The following NCAM2 variants were observed in gnomAD, a reference collection of about 807,000 sequenced individuals.
The protein encoded by NCAM2 is N-CAM-2.
Under a neutral mutation model 98.1 loss-of-function variants are expected in NCAM2, and 30 were observed. The observed-to-expected ratio is 0.31, with a 90% CI of 0.23 to 0.41. The LOEUF is 0.41. Ranked by LOEUF, NCAM2 falls within the 10% of genes least tolerant of loss-of-function variation. NCAM2 has a pLI of 1.00. For synonymous variants in NCAM2, 368 were observed against 342.4 expected (o/e 1.07, Z -0.83); for missense variants, 867 against 1,005.8 (o/e 0.86, Z 1.87).
intron 1 of NCAM2, among the ~76,000 whole-genome samples, chr21:21,049,398 T>A (rs1805702720): frequency 6.6e-6 from 1 of 152,148 alleles, no homozygotes; most frequent in Admixed American, 6.5e-5. Context: ...ACCACTACAT[T>A]AGGCTTCTAA....
At chr21:21,130,493 A>G (rs1002007677) in intron 1 of NCAM2, among the ~76,000 whole-genome samples, 1 of 152,114 alleles carries the variant, frequency 6.6e-6, no homozygotes, top group African/African-American at 2.4e-5. Context: ...TTCCAATAAC[A>G]TTTTCCCGAA....
intron 5 of NCAM2, among the ~76,000 whole-genome samples, chr21:21,301,137 TCTTTGTTGGAGGCATA>T (rs2073697097): frequency 6.6e-6 from 1 of 152,050 alleles, no homozygotes; most frequent in Non-Finnish European, 1.5e-5. Flanking sequence ...AGATATTAGA[TCTTTGTTGGAGGCATA>T]CTTTGTGAAT....
rs2074716732 is a variant in NCAM2, at chr21:21,331,802, G to C, written c.738-3703G>C. ...GGGTTTTGGTATGTTGGCCAGGCTG[G>C]TCTTGAACTCCTGACCTCTGGTGAT... is the stretch of plus-strand genomic sequence containing the variant. On this transcript the variant is annotated intron_variant, in intron 6 of 17. Transcript: ENST00000400546. Among the ~76,000 whole-genome samples, 10 of 149,060 alleles carry C rather than the reference G, an allele frequency of 6.7e-5. No individual in the cohort carries two copies. In the South Asian group the frequency reaches 2.1e-3, roughly 32 times the overall value.
Position 21,299,603 on chromosome 21 carries a change from C to T in NCAM2, c.619+7362C>T, listed in dbSNP as rs373117844. 7.3e-5 allele frequency among the ~76,000 whole-genome samples: 11 copies of T among 151,616 alleles called. No homozygotes were observed. In the South Asian group the frequency reaches 1.2e-3, roughly 17 times the overall value. On this transcript the variant is annotated intron_variant, in intron 5 of 17. Transcript: ENST00000400546. ...TTTCTCTCCTTCCCTCCTTCCCTCC[C>T]TCCCTCCCTTTTTAGCCAGACTGAT... is the stretch of plus-strand genomic sequence containing the variant.
At chr21:21,103,450 A>G (rs376261006) in intron 1 of NCAM2, among the ~76,000 whole-genome samples, 13 of 144,328 alleles carry the variant, frequency 9.0e-5, no homozygotes, top group East Asian at 8.3e-4. Context: ...TATAATAGCA[A>G]TTAATTAAGA....
chr21:21,154,073 G>T (rs961018900), intron 1 of NCAM2, among the ~76,000 whole-genome samples: 1 of 151,882 alleles, frequency 6.6e-6, no homozygotes, highest in African/African-American at 2.4e-5. Context: ...ATTTGGAGAT[G>T]CCTGCTGCAT....
chr21:21,465,471 G>A (rs753235782), intron 12 of NCAM2, among the ~76,000 whole-genome samples: 106 of 151,320 alleles, frequency 7.0e-4, no homozygotes, highest in Non-Finnish European at 1.2e-3. Flanking sequence ...TTGAGGAAAA[G>A]AATGGAACGC....
chr21:21,008,074 G>T (rs1240828766), intron 1 of NCAM2, among the ~76,000 whole-genome samples: 4 of 152,134 alleles, frequency 2.6e-5, no homozygotes, highest in Non-Finnish European at 5.9e-5. Context: ...TATCATGCAT[G>T]AGAGAAATGC....
chr21:21,019,015 T>C (rs988315990), intron 1 of NCAM2, among the ~76,000 whole-genome samples: 4 of 152,226 alleles, frequency 2.6e-5, no homozygotes, highest in Non-Finnish European at 5.9e-5. Context: ...AATGGTTGGA[T>C]GCTAAATGGA....
chr21:21,322,829 T>G (rs571667602), intron 5 of NCAM2, among the ~76,000 whole-genome samples: 1 of 152,294 alleles, frequency 6.6e-6, no homozygotes, highest in East Asian at 1.9e-4. Context: ...TAAATCAGTC[T>G]GTCAAATTAG....
chr21:21,400,750 T>C (rs1317758566), intron 9 of NCAM2, among the ~76,000 whole-genome samples: 1 of 152,076 alleles, frequency 6.6e-6, no homozygotes, highest in East Asian at 1.9e-4. Flanking sequence ...TACAAACATA[T>C]GCGTATCAAT....
chr21:21,468,824 C>A, intron 14 of NCAM2, 41 bp downstream of exon 14: 1 of 1,554,698 alleles, frequency 6.4e-7, no homozygotes, highest in Non-Finnish European at 8.8e-7. Context: ...TAGGTTTTTT[C>A]AAATTAAATT....
At chr21:21,053,681 G>A (rs1157837945) in intron 1 of NCAM2, among the ~76,000 whole-genome samples, 1 of 148,868 alleles carries the variant, frequency 6.7e-6, no homozygotes, top group African/African-American at 2.5e-5. Context: ...TTTTTGTCAT[G>A]AGTATATTTA....
At chr21:21,106,152 T>A (rs1050390681) in intron 1 of NCAM2, among the ~76,000 whole-genome samples, 4 of 151,658 alleles carry the variant, frequency 2.6e-5, no homozygotes, top group African/African-American at 7.3e-5. Flanking sequence ...ACAAAAAATT[T>A]AAAAACTTAG....
chr21:21,108,022 A>G (rs1219105536), intron 1 of NCAM2, among the ~76,000 whole-genome samples: 1 of 152,086 alleles, frequency 6.6e-6, no homozygotes, highest in Non-Finnish European at 1.5e-5. Context: ...ATTTCACACG[A>G]TAAGCAGGTA....
chr21:21,223,170 C>T (rs564430915), intron 1 of NCAM2: 1 of 152,276 alleles, frequency 6.6e-6, no homozygotes, highest in African/African-American at 2.4e-5. Context: ...GATTAAATGT[C>T]ATATTGTATT....
At chr21:21,238,420 T>C (rs2070931220) in intron 1 of NCAM2, among the ~76,000 whole-genome samples, 1 of 152,144 alleles carries the variant, frequency 6.6e-6, no homozygotes, top group African/African-American at 2.4e-5. Context: ...GTTTGACAGA[T>C]TGCATTACTT....
chr21:21,249,821 C>CTAT (rs1182658538), intron 1 of NCAM2, among the ~76,000 whole-genome samples: 1 of 152,110 alleles, frequency 6.6e-6, no homozygotes, highest in Non-Finnish European at 1.5e-5. Context: ...AAGTTTTCTT[C>CTAT]TATTAAATTA....
intron 15 of NCAM2, among the ~76,000 whole-genome samples, chr21:21,490,815 T>C (rs937738320): frequency 5.3e-5 from 8 of 151,872 alleles, no homozygotes; most frequent in Non-Finnish European, 8.9e-5. Context: ...AAAAAAAGTA[T>C]GCTATAAGTG....
Sources: gnomAD v4.1 joint callset for allele counts (sites outside exome capture counted in the v4.1 genomes callset) on GRCh38, gnomAD v4.1.1 for gene constraint, MANE v1.5 for transcripts, NCBI Gene and HGNC (gene_info 2026-07-23, HGNC 2026-07-21) for gene names.